Variants in SEPTIN3 observed in about 807,000 individuals in gnomAD.
SEPTIN3 encodes septin 3, also known as neuronal-specific septin-3.
SEPTIN3 carries 15 observed loss-of-function variants against 45.1 expected under a neutral mutation model. The ratio of observed to expected loss-of-function variants is 0.33; its 90% CI spans 0.22 to 0.51. SEPTIN3 has a LOEUF of 0.51. Ranked by LOEUF, SEPTIN3 falls within the 20% of genes least tolerant of loss-of-function variation. The probability of loss-of-function intolerance (pLI) is 0.97; values close to 1 mark genes in which losing one functional copy is unlikely to be tolerated. For missense variants in SEPTIN3, 289 were observed against 457.2 expected (o/e 0.63, Z 3.35); for synonymous variants, 148 against 164.8 (o/e 0.90, Z 0.78).
intron 2 of SEPTIN3, among the ~76,000 whole-genome samples, chr22:41,981,045 G>A (rs1368585492): frequency 1.3e-5 from 2 of 152,160 alleles, no homozygotes; most frequent in Non-Finnish European, 2.9e-5. Flanking sequence ...AAGCAGCCGA[G>A]GTCAGTGACA....
intron 1 of SEPTIN3, among the ~76,000 whole-genome samples, chr22:41,971,034 T>C (rs1426323760): frequency 6.6e-6 from 1 of 151,930 alleles, no homozygotes; most frequent in Non-Finnish European, 1.5e-5. Flanking sequence ...CCACAGCCCT[T>C]TGGTTCTTTC....
At chr22:41,991,507 G>A in intron 7 of SEPTIN3, 66 bp from the exon 8 acceptor site, 2 of 1,163,320 alleles carry the variant, frequency 1.7e-6, no homozygotes, top group Non-Finnish European at 2.6e-6. Flanking sequence ...ACGCACACAG[G>A]TGCACACACC....
At position 41,987,716 on chromosome 22, in the gene SEPTIN3, C is replaced by G; in HGVS notation, c.2002C>G (p.Arg668Gly). ...CAGGAAGAAACGCATCCCTGACACTCGTGTCCACTGCTGCCTTTACTTCAT... is the reference window on the plus strand; with the variant it reads ...CAGGAAGAAACGCATCCCTGACACTGGTGTCCACTGCTGCCTTTACTTCAT... Reference protein sequence around the residue: ...IARKKRIPDTRVHCCLYFISP... With the variant: ...IARKKRIPDTGVHCCLYFISP... The change falls in exon 6 of 12, where the codon CGT becomes GGT. Residue 668 changes from arginine to glycine, a missense_variant. This residue lies in a region of SEPTIN3 where 200 missense variants were observed against 315.1 expected (regional missense o/e 0.63). Transcript: ENST00000644076. The G allele has an allele frequency of 2.5e-6, 4 of 1,614,098 alleles. No homozygotes were observed. Among genetic ancestry groups the G allele is most frequent in the Non-Finnish European group, 3.4e-6 (4 of 1,179,958 alleles).
chr22:41,997,192 C>T lies in SEPTIN3; in HGVS notation c.*225C>T, dbSNP rs2078457320. 2 of 774,646 alleles carry T rather than the reference C, an allele frequency of 2.6e-6. No homozygotes were observed. Among genetic ancestry groups the T allele is most frequent in the Non-Finnish European group, 4.0e-6 (2 of 504,444 alleles). The allele number at this position is 774,646 out of a possible 1,614,324, so 48.0% of individuals were successfully genotyped here. ...GGGTTCTGCCAGTACAGCCCTACTG[C>T]ATCATCTGCGTCAGCCGGTCCTAGC... On this transcript the variant is annotated 3_prime_UTR_variant, in exon 12 of 12. Transcript: ENST00000644076.
rs554563954 is a variant in SEPTIN3, at chr22:41,990,617, G to A, written c.2163+933G>A. ...AAAAATTAGCCGGGTGTGGTGGCGGGTGCCTGTAGTCCCAGCTACTCAGGA... is the reference window on the plus strand; with the variant it reads ...AAAAATTAGCCGGGTGTGGTGGCGGATGCCTGTAGTCCCAGCTACTCAGGA... On this transcript the variant is annotated intron_variant, in intron 7 of 11. Transcript: ENST00000644076. Among the ~76,000 whole-genome samples, 5 of 150,970 alleles carry A rather than the reference G, an allele frequency of 3.3e-5. No individual in the cohort carries two copies. In the South Asian group the frequency reaches 8.4e-4, roughly 25 times the overall value.
In SEPTIN3 at chr22:41,994,389, G is replaced by A; in HGVS notation, c.2411+48G>A. On this transcript the variant is annotated intron_variant, in intron 10 of 11. Coordinates refer to ENST00000644076, the MANE Select transcript of SEPTIN3 (RefSeq NM_001363845.2). This position sits in a 1 kb window ranked among gnomAD's most constrained non-coding sequence, Gnocchi z 4.2. ...GTCCAGACAGCAGGTTGAATTATTT[G>A]GGGTCAGGGTCTATCTGTTCAGATT... The A allele has an allele frequency of 6.3e-7, 1 of 1,595,930 alleles. No homozygotes were observed. The highest frequency in any genetic ancestry group is 8.6e-7 in the Non-Finnish European group (1 of 1,164,242).
At chr22:41,978,264 C>T (rs2078062795) in intron 2 of SEPTIN3, among the ~76,000 whole-genome samples, 1 of 152,184 alleles carries the variant, frequency 6.6e-6, no homozygotes, top group East Asian at 1.9e-4. Context: ...AGTTCTCATT[C>T]ACTCATCATT....
chr22:41,970,315 G>C (rs954518758), intron 1 of SEPTIN3, among the ~76,000 whole-genome samples: 2 of 152,012 alleles, frequency 1.3e-5, no homozygotes, highest in African/African-American at 4.8e-5. Flanking sequence ...CTTCATCCTC[G>C]ACACCTCTTT....
Position 41,989,641 on chromosome 22 carries a change from C to T in SEPTIN3, c.2120C>T (p.Ala707Val). 2 of 1,613,930 alleles carry T rather than the reference C, an allele frequency of 1.2e-6. No homozygotes were observed. Among genetic ancestry groups the T allele is most frequent in the African/African-American group, 2.7e-5 (2 of 75,022 alleles). Residue 707 changes from alanine (A) to valine (V), a missense_variant, in exon 7 of 12, where the codon GCT becomes GTT. Transcript: ENST00000644076. ...VVNIIPVIAK[A>V]DTMTLEEKSE... ...AACATCATCCCTGTCATTGCTAAGG[C>T]TGACACCATGACCCTGGAGGAGAAG...
chr22:41,987,267 C>T lies in SEPTIN3; in HGVS notation c.1887C>T (p.Asp629=). ...TCATCGACACCCCAGGCTTTGGAGA[C>T]CAAATCAACAATGAAAACTGGTATC... The part of the protein sequence containing the change: ...LTVIDTPGFG[D]QINNENCWEP... Residue 629 remains aspartate, a synonymous_variant, in exon 5 of 12, where the codon GAC becomes GAT. Coordinates refer to ENST00000644076, the MANE Select transcript of SEPTIN3 (RefSeq NM_001363845.2). The T allele has an allele frequency of 6.2e-7, 1 of 1,613,334 alleles. No individual in the cohort carries two copies. Among genetic ancestry groups the T allele is most frequent in the Non-Finnish European group, 8.5e-7 (1 of 1,179,688 alleles).
intron 5 of SEPTIN3, 140 bp downstream of exon 5, chr22:41,987,427 G>A: frequency 9.2e-7 from 1 of 1,083,834 alleles, no homozygotes. Flanking sequence ...GGGCCCCTGG[G>A]GAGCTCCACC....
chr22:41,987,842 TGACTCAGCTA>T (rs557359592), intron 6 of SEPTIN3, 83 bp downstream of exon 6: 26 of 1,471,800 alleles, frequency 1.8e-5, no homozygotes, highest in Non-Finnish European at 2.2e-5. Flanking sequence ...ATCCATACGT[TGACTCAGCTA>T]GGCCTCCCTA....
intron 3 of SEPTIN3, among the ~76,000 whole-genome samples, chr22:41,984,845 CTTTTTTT>C (rs11380985): frequency 4.0e-5 from 4 of 100,660 alleles, no homozygotes; most frequent in Non-Finnish European, 5.6e-5. Context: ...GTGGTTTTCC[CTTTTTTT>C]TTTTTTTTTT....
rs55642127 is a variant in SEPTIN3 at position 41,974,860 on chromosome 22, GAAAAAAAAAAAAA to G, written c.1504+1880_1504+1892del. ...ACAGAGCGAGACTCTGTCTCAAAAA[GAAAAAAAAAAAAA>G]AAAAAAAAAAAAAAAGCAAGCCTCC... On this transcript the variant is annotated intron_variant, in intron 2 of 11. Coordinates refer to ENST00000644076, the MANE Select transcript of SEPTIN3 (RefSeq NM_001363845.2). Among the ~76,000 whole-genome samples the G allele has an allele frequency of 3.9e-4, 29 of 74,298 alleles. 1 individual carries two copies. Among genetic ancestry groups the G allele is most frequent in the Non-Finnish European group, 2.1e-4 (8 of 38,268 alleles). 48.7% of individuals were successfully genotyped at this position (74,298 alleles called of 152,430 possible).
At chr22:41,979,724 C>T (rs2078091099) in intron 2 of SEPTIN3, among the ~76,000 whole-genome samples, 1 of 152,198 alleles carries the variant, frequency 6.6e-6, no homozygotes, top group Non-Finnish European at 1.5e-5. Context: ...TTGGCTGTGC[C>T]TGGGAGTGAC....
chr22:41,991,650 G>C lies in SEPTIN3; in HGVS notation c.2241G>C (p.Thr747=). The stretch of plus-strand genomic sequence containing the variant: ...TTGATGAGGATTTGGAGGATAAGAC[G>C]GAGAATGACAAAATCAGGGTGGGTG... ...KEFDEDLEDK[T]ENDKIRQESM... is the part of the protein sequence containing the mutation. The change falls in exon 8 of 12, where the codon ACG becomes ACC. Residue 747 remains threonine (T), a synonymous_variant. Coordinates refer to ENST00000644076, the MANE Select transcript of SEPTIN3 (RefSeq NM_001363845.2). 6.2e-7 allele frequency: 1 copy of C among 1,613,298 alleles called. No individual in the cohort carries two copies. The highest frequency in any genetic ancestry group is 8.5e-7 in the Non-Finnish European group (1 of 1,179,274).
At chr22:41,978,152 G>A (rs1235698619) in intron 2 of SEPTIN3, among the ~76,000 whole-genome samples, 3 of 152,180 alleles carry the variant, frequency 2.0e-5, no homozygotes, top group East Asian at 1.9e-4. Flanking sequence ...TGACTGTGGC[G>A]GAGACAACAG....
intron 3 of SEPTIN3, 29 bp downstream of exon 3, chr22:41,981,865 C>A: frequency 6.3e-7 from 1 of 1,599,552 alleles, no homozygotes; most frequent in South Asian, 1.1e-5. Context: ...CTGCTGCAGG[C>A]CTGGTGGCGG....
chr22:41,972,225 G>A lies in SEPTIN3; in HGVS notation c.733G>A (p.Gly245Arg). ...GGCCAGGGGGATCCCCAGACCCCGG[G>A]GGCGTCTCCAAAGGGCCAACACGAC... is the stretch of plus-strand genomic sequence containing the variant. ...PRARGIPRPRGRLQRANTTVN... is the reference protein window; with the variant it reads ...PRARGIPRPRRRLQRANTTVN... The change falls in exon 2 of 12, where the codon GGG (glycine) becomes AGG (arginine). Residue 245 changes from glycine to arginine, a missense_variant. Around this residue, in one of 3 missense-constraint regions of SEPTIN3, gnomAD observed 200 missense variants for 315.1 expected, o/e 0.63. Coordinates refer to ENST00000644076, the MANE Select transcript of SEPTIN3 (RefSeq NM_001363845.2). 2.5e-6 allele frequency: 1 copy of A among 399,108 alleles called. No homozygotes were observed. Among genetic ancestry groups the A allele is most frequent in the Non-Finnish European group, 4.4e-6 (1 of 226,116 alleles). 24.7% of individuals were successfully genotyped at this position (399,108 alleles called of 1,614,324 possible).
Sources: allele counts gnomAD v4.1 joint callset (sites outside exome capture counted in the v4.1 genomes callset), GRCh38; gene constraint gnomAD v4.1.1; regional missense constraint gnomAD v4.1.1; non-coding constraint Gnocchi (gnomAD v3.1); transcripts MANE v1.5; gene names NCBI Gene and HGNC (gene_info 2026-07-23, HGNC 2026-07-21).